PRICKLE4: variants seen among roughly 807,000 people sequenced by gnomAD.
PRICKLE4 encodes prickle planar cell polarity protein 4, also known as prickle-like protein 4.
Under a neutral mutation model 43.5 loss-of-function variants are expected in PRICKLE4, and 40 were observed. That is an observed-to-expected ratio of 0.92 (90% confidence interval 0.71 to 1.20). PRICKLE4 has a LOEUF of 1.20. Among genes scored for constraint, PRICKLE4 ranks in the 50% most tolerant of loss-of-function variants. The probability of loss-of-function intolerance (pLI) is 0.00; values close to 1 mark genes in which losing one functional copy is unlikely to be tolerated. For synonymous variants in PRICKLE4, 208 were observed against 197.4 expected, an observed-to-expected ratio of 1.05 and a Z score of -0.45; for missense variants, 527 against 491.2, an observed-to-expected ratio of 1.07 and a Z score of -0.69.
At chr6:41,783,391 A>T in intron 2 of PRICKLE4, 71 bp from the exon 3 acceptor site, 1 of 1,384,338 alleles carries the variant, frequency 7.2e-7, no homozygotes, top group Non-Finnish European at 9.8e-7. Flanking sequence ...TAATATCTAT[A>T]AAGCACTTAA....
intron 3 of PRICKLE4, 160 bp from the exon 4 acceptor site, chr6:41,783,971 C>T: frequency 1.5e-6 from 1 of 677,338 alleles, no homozygotes; most frequent in Admixed American, 2.4e-5. Flanking sequence ...GTCAGCTATC[C>T]TTGCACTCAG....
In PRICKLE4 at chr6:41,786,617, C is replaced by T. The variant is rs757204600; in HGVS notation, c.788-145C>T. The T allele has an allele frequency of 3.2e-5, 43 of 1,359,322 alleles. No individual in the cohort carries two copies. In the South Asian group the frequency reaches 5.3e-4, roughly 17 times the overall value. 84.2% of individuals were successfully genotyped at this position (1,359,322 alleles called of 1,614,324 possible). A position where few individuals can be genotyped will look rare whatever the true frequency, so the allele number is the denominator to read the frequency against. Reference sequence around the variant, plus strand: ...ACGCCCTCTGGTGGAGGCGGGGGACCCTGGCGAGGACTCTCGGCGGCGGCG... The same window carrying T: ...ACGCCCTCTGGTGGAGGCGGGGGACTCTGGCGAGGACTCTCGGCGGCGGCG... On this transcript the variant is annotated intron_variant, in intron 7 of 7. Coordinates refer to ENST00000458694, the MANE Select transcript of PRICKLE4 (RefSeq NM_013397.6).
intron 6 of PRICKLE4, 80 bp downstream of exon 6, chr6:41,785,620 C>T (rs1314235728): frequency 7.1e-7 from 1 of 1,399,384 alleles, no homozygotes; most frequent in Non-Finnish European, 9.8e-7. Flanking sequence ...TCCTGGGCCA[C>T]AGTTTCTCCC....
chr6:41,786,467 C>A, intron 7 of PRICKLE4, 135 bp downstream of exon 7: 1 of 1,144,076 alleles, frequency 8.7e-7, no homozygotes, highest in Non-Finnish European at 1.3e-6. Context: ...CCCCCAGACC[C>A]AAGCCTCGGG....
chr6:41,784,836 C>A, intron 4 of PRICKLE4, 99 bp from the exon 5 acceptor site: 1 of 1,489,964 alleles, frequency 6.7e-7, no homozygotes, highest in Non-Finnish European at 9.2e-7. Context: ...GGTTCTACAA[C>A]CTTTCTCTGA....
rs1384659240 is a variant in PRICKLE4, at chr6:41,786,310, A to C, written c.765A>C (p.Ala255=). 1 of 1,570,150 alleles carries C rather than the reference A, an allele frequency of 6.4e-7. No individual in the cohort carries two copies. Among genetic ancestry groups the C allele is most frequent in the Non-Finnish European group, 8.7e-7 (1 of 1,154,592 alleles). ...ATGCAGGCTCGAGCTGGGCCGGGGC[A>C]CTGGAAGGGCAGGCATTCCTTGGTA... ...YSDAGSSWAG[A]LEGQAFLGET... The change falls in exon 7 of 8, where the codon GCA becomes GCC. Residue 255 remains alanine (A), a synonymous_variant. Transcript: ENST00000458694.
rs576857969 is a variant in PRICKLE4, at chr6:41,783,384, T to A, written c.-12-78T>A. On this transcript the variant is annotated intron_variant, in intron 2 of 7. Transcript: ENST00000458694. ...GTGTTGGGAGGACTGAGGGAAATAA[T>A]ATCTATAAAGCACTTAACACTTCCT... 34 of 1,344,416 alleles carry A rather than the reference T, an allele frequency of 2.5e-5. No homozygotes were observed. The East Asian group carries it at 3.5e-4, about 14-fold the overall frequency. The allele number at this position is 1,344,416 out of a possible 1,614,324, so 83.3% of individuals were successfully genotyped here.
At position 41,784,648 on chromosome 6, in the gene PRICKLE4, C is replaced by G. The variant is rs1772610517; in HGVS notation, c.241-287C>G. The G allele has an allele frequency of 9.7e-6, 5 of 515,610 alleles. No homozygotes were observed. The East Asian group carries it at 1.8e-4, about 18-fold the overall frequency. The allele number at this position is 515,610 out of a possible 1,614,324, so 31.9% of individuals were successfully genotyped here. A position where few individuals can be genotyped will look rare whatever the true frequency, so the allele number is the denominator to read the frequency against. Reference sequence around the variant, plus strand: ...GGAAATGCAAGAATGGGAAGTGATACTGAGCTCTTAGCTCATTGGGAACAA... The same window carrying G: ...GGAAATGCAAGAATGGGAAGTGATAGTGAGCTCTTAGCTCATTGGGAACAA... On this transcript the variant is annotated intron_variant, in intron 4 of 7. Transcript: ENST00000458694.
intron 3 of PRICKLE4, 132 bp downstream of exon 3, chr6:41,783,737 T>C (rs1472226242): frequency 7.7e-7 from 1 of 1,297,648 alleles, no homozygotes; most frequent in Admixed American, 1.9e-5. Context: ...TTTTCAGGAA[T>C]TCCTGTCTCT....
intron 2 of PRICKLE4, among the ~76,000 whole-genome samples, chr6:41,782,764 C>T (rs1772575143): frequency 6.6e-6 from 1 of 152,140 alleles, no homozygotes; most frequent in Admixed American, 6.5e-5. Flanking sequence ...AAGAGATGAA[C>T]TTAGATTATC....
chr6:41,784,528 GGTT>G (rs1245225658), intron 4 of PRICKLE4, among the ~76,000 whole-genome samples: 6 of 152,240 alleles, frequency 3.9e-5, no homozygotes, highest in African/African-American at 1.4e-4. Context: ...TAGAGAGTAT[GGTT>G]GTTACGTATT....
rs753257294 is a variant in PRICKLE4, at chr6:41,786,133, C to G, written c.588C>G (p.Ile196Met). Residue 196 changes from isoleucine (I) to methionine (M), a missense_variant, in exon 7 of 8, where the codon ATC becomes ATG. Physicochemically the swap from Ile to Met is conservative, Grantham distance 10. Transcript: ENST00000458694. ...RPRCPACDQL[I>M]FSWRCTEAEG... ...TCTCCCTCTCCCTCTCCCAGCTGAT[C>G]TTCTCCTGGCGCTGCACCGAGGCGG... is the stretch of plus-strand genomic sequence containing the variant. The G allele has an allele frequency of 6.2e-7, 1 of 1,613,236 alleles. No homozygotes were observed. The highest frequency in any genetic ancestry group is 1.1e-5 in the South Asian group (1 of 91,046).
intron 3 of PRICKLE4, 40 bp from the exon 4 acceptor site, chr6:41,784,062 GAGGGGGAAAGAAGGAGAAAGGAAAGAAAA>G (rs1772597934): frequency 8.4e-7 from 1 of 1,193,102 alleles, no homozygotes; most frequent in Admixed American, 2.2e-5. Context: ...TGGCAATGAT[GAGGGGGAAAGAAGGAGAAAGGAAAGAAAA>G]ACCTAGTTTC....
intron 4 of PRICKLE4, among the ~76,000 whole-genome samples, chr6:41,784,534 T>C (rs2127306365): frequency 6.6e-6 from 1 of 152,370 alleles, no homozygotes; most frequent in South Asian, 2.1e-4. Flanking sequence ...GTATGGTTGT[T>C]ACGTATTTAT....
intron 3 of PRICKLE4, 115 bp from the exon 4 acceptor site, chr6:41,784,016 G>C: frequency 1.3e-6 from 1 of 758,590 alleles, no homozygotes; most frequent in Non-Finnish European, 2.2e-6. Context: ...CCAAATGGAG[G>C]GCATGCTTAG....
At chr6:41,786,572 C>G (rs1772655331) in intron 7 of PRICKLE4, 190 bp from the exon 8 acceptor site, 2 of 1,123,254 alleles carry the variant, frequency 1.8e-6, no homozygotes, top group African/African-American at 3.3e-5. Context: ...GCCAGACTCC[C>G]TCCCAGGCGC....
At chr6:41,783,994 A>G (rs1772597177) in intron 3 of PRICKLE4, 137 bp from the exon 4 acceptor site, 1 of 693,750 alleles carries the variant, frequency 1.4e-6, no homozygotes, top group African/African-American at 1.8e-5. Flanking sequence ...AGGATCTGCA[A>G]GGAGGACCCT....
intron 5 of PRICKLE4, 110 bp from the exon 6 acceptor site, chr6:41,785,227 G>C: frequency 6.7e-7 from 1 of 1,495,328 alleles, no homozygotes; most frequent in South Asian, 1.2e-5. Flanking sequence ...CAGTGGATGT[G>C]GGCTTGCTAG....
intron 2 of PRICKLE4, among the ~76,000 whole-genome samples, 180 bp from the exon 3 acceptor site, chr6:41,783,282 C>T (rs1426734950): frequency 6.6e-6 from 1 of 152,172 alleles, no homozygotes; most frequent in Admixed American, 6.5e-5. Context: ...GCTGTTTGAC[C>T]TTGGGCATGC....
Sources: allele counts gnomAD v4.1 joint callset (sites outside exome capture counted in the v4.1 genomes callset), GRCh38; gene constraint gnomAD v4.1.1; transcripts MANE v1.5; gene names NCBI Gene and HGNC (gene_info 2026-07-23, HGNC 2026-07-21).